AGBL4: variants seen among roughly 807,000 people sequenced by gnomAD.
AGBL4 encodes cytosolic carboxypeptidase 6.
In AGBL4, 58 loss-of-function variants were observed where a neutral mutation model predicts 66.4. The ratio of observed to expected loss-of-function variants is 0.87; its 90% confidence interval spans 0.71 to 1.09. AGBL4 has a LOEUF of 1.09. Among genes scored for constraint, AGBL4 ranks in the 50% least tolerant of loss-of-function variants. The pLI, the probability that AGBL4 is intolerant of heterozygous loss-of-function variation, is 0.00. For synonymous variants in AGBL4, 234 were observed against 222.9 expected (o/e 1.05, Z -0.44); for missense variants, 579 against 631.0 (o/e 0.92, Z 0.88).
chr1:49,738,964 G>T (rs1207250706), intron 2 of AGBL4, among the ~76,000 whole-genome samples: 1 of 152,200 alleles, frequency 6.6e-6, no homozygotes, highest in Admixed American at 6.5e-5. Flanking sequence ...AAAAAACAGA[G>T]CAGAAAAACT....
intron 4 of AGBL4, among the ~76,000 whole-genome samples, chr1:49,055,927 G>T (rs1241490772): frequency 6.6e-6 from 1 of 151,940 alleles, no homozygotes; most frequent in Non-Finnish European, 1.5e-5. Context: ...CTTTCAGTTT[G>T]AATGATTAAT....
chr1:49,039,285 C>T (rs990268899), intron 5 of AGBL4, among the ~76,000 whole-genome samples: 4 of 152,052 alleles, frequency 2.6e-5, no homozygotes, highest in Non-Finnish European at 5.9e-5. Flanking sequence ...AATTTGTCCA[C>T]ACCCATAGAA....
chr1:49,749,514 T>C (rs748483364), intron 2 of AGBL4, among the ~76,000 whole-genome samples: 4 of 152,160 alleles, frequency 2.6e-5, no homozygotes, highest in Non-Finnish European at 4.4e-5. Context: ...AATAGTAAAT[T>C]GACAAATTAA....
At chr1:49,058,673 C>T (rs1338405719) in intron 4 of AGBL4, among the ~76,000 whole-genome samples, 1 of 152,128 alleles carries the variant, frequency 6.6e-6, no homozygotes, top group Non-Finnish European at 1.5e-5. Context: ...GTGGAGGGCT[C>T]AGAAGAAGAC....
chr1:49,935,176 A>T (rs1210371098), intron 1 of AGBL4, among the ~76,000 whole-genome samples: 1 of 152,190 alleles, frequency 6.6e-6, no homozygotes, highest in Non-Finnish European at 1.5e-5. Context: ...GCTCCAGGAG[A>T]TTATATCCCG....
At chr1:49,880,691 G>C (rs1042830187) in intron 1 of AGBL4, among the ~76,000 whole-genome samples, 1 of 152,210 alleles carries the variant, frequency 6.6e-6, no homozygotes, top group African/African-American at 2.4e-5. Context: ...GCTCCACCCA[G>C]TTTGAGCTTC....
At chr1:49,883,098 A>G (rs1173156260) in intron 1 of AGBL4, among the ~76,000 whole-genome samples, 1 of 152,204 alleles carries the variant, frequency 6.6e-6, no homozygotes, top group Non-Finnish European at 1.5e-5. Flanking sequence ...GAATTTGTTC[A>G]TAATTTTATC....
At chr1:49,830,998 T>C (rs2148013874) in intron 2 of AGBL4, among the ~76,000 whole-genome samples, 1 of 152,330 alleles carries the variant, frequency 6.6e-6, no homozygotes, top group Middle Eastern at 3.4e-3. Context: ...CCATGCTGTT[T>C]CGGTTATTGT....
chr1:49,991,551 A>G lies in AGBL4; in HGVS notation c.34+32212T>C, dbSNP rs117292877. On this transcript the variant is annotated intron_variant, in intron 1 of 13. Coordinates refer to ENST00000371839, the MANE Select transcript of AGBL4 (RefSeq NM_032785.4). ...AATCTATATTTAGATAATCAACCAT[A>G]CACACTTTCATCAGTTTTATCTCCT... Among the ~76,000 whole-genome samples the G allele has an allele frequency of 7.9e-5, 12 of 152,298 alleles. No homozygotes were observed. The East Asian group carries it at 2.1e-3, about 27-fold the overall frequency.
chr1:49,263,244 A>C (rs1364156236), intron 3 of AGBL4, among the ~76,000 whole-genome samples: 1 of 116,604 alleles, frequency 8.6e-6, no homozygotes, highest in Non-Finnish European at 2.2e-5. Flanking sequence ...AGCATGGCAC[A>C]TGTATACATA....
At chr1:48,540,253 A>AC (rs1644043963) in intron 11 of AGBL4, among the ~76,000 whole-genome samples, 1 of 152,194 alleles carries the variant, frequency 6.6e-6, no homozygotes, top group African/African-American at 2.4e-5. Context: ...CAGTGTTCCC[A>AC]CTGCACCTTG....
chr1:49,564,791 G>T (rs1245206478), intron 3 of AGBL4, among the ~76,000 whole-genome samples: 1 of 152,168 alleles, frequency 6.6e-6, no homozygotes, highest in African/African-American at 2.4e-5. Flanking sequence ...CTGTTGATTT[G>T]GGGTGGAGAG....
At chr1:48,531,080 C>T (rs571659774), downstream of AGBL4, among the ~76,000 whole-genome samples, 2 of 152,274 alleles carry the variant, frequency 1.3e-5, no homozygotes, top group South Asian at 4.1e-4. Flanking sequence ...CAAGACCACA[C>T]AGAGGGCTGC....
At chr1:49,304,317 C>A (rs1644810579) in intron 3 of AGBL4, among the ~76,000 whole-genome samples, 1 of 152,136 alleles carries the variant, frequency 6.6e-6, no homozygotes, top group African/African-American at 2.4e-5. Context: ...TATTCTGTTC[C>A]ATTGGTCTAT....
intron 11 of AGBL4, among the ~76,000 whole-genome samples, chr1:48,567,610 C>T (rs1349710530): frequency 6.6e-6 from 1 of 152,180 alleles, no homozygotes; most frequent in Non-Finnish European, 1.5e-5. Flanking sequence ...AAAAAATCCT[C>T]AGACAGTATA....
intron 2 of AGBL4, among the ~76,000 whole-genome samples, chr1:49,824,311 G>GA (rs1279163556): frequency 6.6e-6 from 1 of 152,160 alleles, no homozygotes; most frequent in Non-Finnish European, 1.5e-5. Context: ...AGAAGTACAG[G>GA]ATATGGTTCT....
At chr1:49,792,072 T>C (rs1424246058) in intron 2 of AGBL4, among the ~76,000 whole-genome samples, 1 of 152,078 alleles carries the variant, frequency 6.6e-6, no homozygotes, top group Non-Finnish European at 1.5e-5. Flanking sequence ...AAAATTTGCA[T>C]GCCCAGCAGC....
chr1:49,335,700 A>G (rs931431685), intron 3 of AGBL4, among the ~76,000 whole-genome samples: 1 of 152,064 alleles, frequency 6.6e-6, no homozygotes, highest in Non-Finnish European at 1.5e-5. Context: ...TGTTTTTAGT[A>G]GAGACGGGGT....
chr1:49,982,849 C>A (rs1009532883), intron 1 of AGBL4, among the ~76,000 whole-genome samples: 1 of 152,066 alleles, frequency 6.6e-6, no homozygotes, highest in Non-Finnish European at 1.5e-5. Context: ...GAGGAGCTAC[C>A]CACTCCAGGG....
Sources: allele counts gnomAD v4.1 joint callset (sites outside exome capture counted in the v4.1 genomes callset), GRCh38; gene constraint gnomAD v4.1.1; transcripts MANE v1.5; gene names NCBI Gene and HGNC (gene_info 2026-07-23, HGNC 2026-07-21).